TMTC1: variants seen among roughly 807,000 people sequenced by gnomAD.
TMTC1 encodes the protein transmembrane O-mannosyltransferase targeting cadherins 1.
TMTC1 carries 73 observed loss-of-function variants against 104.8 expected under a neutral mutation model. That is an observed-to-expected ratio of 0.70 (90% CI 0.58 to 0.85). The LOEUF (loss-of-function observed/expected upper bound fraction) is 0.85, where lower values mean the gene tolerates loss of function less well. Ranked by LOEUF, TMTC1 falls within the 40% of genes least tolerant of loss-of-function variation. The pLI, the probability that TMTC1 is intolerant of heterozygous loss-of-function variation, is 0.00. For missense variants in TMTC1, 1,035 were observed against 1,096.1 expected (o/e 0.94, Z 0.79); for synonymous variants, 434 against 428.7 (o/e 1.01, Z -0.15).
At chr12:29,600,010 T>A (rs10843448) in intron 7 of TMTC1, among the ~76,000 whole-genome samples, 51,298 of 95,962 alleles carry the variant, frequency 0.53, 11,560 homozygotes, top group South Asian at 0.64. Context: ...ATATATATAT[T>A]TTTTTTTTTT....
At chr12:29,767,636 G>T (rs10743673) in intron 2 of TMTC1, among the ~76,000 whole-genome samples, 59,746 of 151,652 alleles carry the variant, frequency 0.39, 12,252 homozygotes, top group Admixed American at 0.54. Context: ...GGAGGTGCAA[G>T]AAAACCAATT....
At chr12:29,589,178 T>C (rs1946217524) in intron 7 of TMTC1, among the ~76,000 whole-genome samples, 4 of 152,242 alleles carry the variant, frequency 2.6e-5, no homozygotes, top group Admixed American at 2.6e-4. Flanking sequence ...TGGCAACATG[T>C]GGATTCAGTC....
rs548584952 is a variant in TMTC1 at position 29,525,334 on chromosome 12, C to T, written c.1786-4614G>A. Among the ~76,000 whole-genome samples, 449 of 151,868 alleles carry T rather than the reference C, an allele frequency of 3.0e-3. 4 individuals are homozygous for T. Among genetic ancestry groups the T allele is most frequent in the African/African-American group, 0.01 (428 of 41,452 alleles). ...ATTAGCTGGGATTACAGGCACCCATCACCACACCCAGTGGCTAATTTTTGT... is the reference window on the plus strand; with the variant it reads ...ATTAGCTGGGATTACAGGCACCCATTACCACACCCAGTGGCTAATTTTTGT... On this transcript the variant is annotated intron_variant, in intron 11 of 17. Transcript: ENST00000539277.
intron 6 of TMTC1, among the ~76,000 whole-genome samples, chr12:29,627,537 C>T (rs1052520032): frequency 1.3e-5 from 2 of 152,134 alleles, no homozygotes; most frequent in African/African-American, 2.4e-5. Flanking sequence ...ACAGCCACTA[C>T]GGAAGTTTGT....
chr12:29,638,975 T>C (rs1016276148), intron 5 of TMTC1, among the ~76,000 whole-genome samples: 1 of 152,240 alleles, frequency 6.6e-6, no homozygotes, highest in Non-Finnish European at 1.5e-5. Flanking sequence ...TGGTAATTAC[T>C]GTCTTTAGCA....
At chr12:29,576,878 C>G (rs159687) in intron 8 of TMTC1, among the ~76,000 whole-genome samples, 88,292 of 151,970 alleles carry the variant, frequency 0.58, 26,874 homozygotes, top group Non-Finnish European at 0.67. Flanking sequence ...TGTGGATATG[C>G]ATATCAAAAC....
intron 10 of TMTC1, among the ~76,000 whole-genome samples, chr12:29,552,375 A>C (rs1945128610): frequency 6.6e-6 from 1 of 152,256 alleles, no homozygotes; most frequent in Non-Finnish European, 1.5e-5. Context: ...AATAATTTGA[A>C]TACATTAGGG....
intron 5 of TMTC1, among the ~76,000 whole-genome samples, chr12:29,750,737 G>A (rs1592009088): frequency 6.6e-6 from 1 of 152,302 alleles, no homozygotes; most frequent in Non-Finnish European, 1.5e-5. Context: ...GAGGTCATTA[G>A]GCTAAGGTGA....
At chr12:29,585,460 C>T (rs1565688926) in intron 7 of TMTC1, among the ~76,000 whole-genome samples, 1 of 152,134 alleles carries the variant, frequency 6.6e-6, no homozygotes, top group African/African-American at 2.4e-5. Context: ...ACCCATTTGT[C>T]AATTTTGGCT....
chr12:29,714,734 G>C (rs556066858), intron 5 of TMTC1, among the ~76,000 whole-genome samples: 3 of 152,248 alleles, frequency 2.0e-5, no homozygotes, highest in Non-Finnish European at 2.9e-5. Flanking sequence ...TCCCAACAAG[G>C]ATCAGAAGTC....
intron 17 of TMTC1, among the ~76,000 whole-genome samples, chr12:29,511,288 C>CCTCCTCCTCCTTGTATTAATATAT (rs1943828958): frequency 6.6e-6 from 1 of 150,420 alleles, no homozygotes; most frequent in African/African-American, 2.5e-5. Flanking sequence ...TATATCTCCT[C>CCTCCTCCTCCTTGTATTAATATAT]CTCCTCCTCC....
intron 6 of TMTC1, among the ~76,000 whole-genome samples, chr12:29,615,732 T>C (rs1181155363): frequency 6.6e-6 from 1 of 152,204 alleles, no homozygotes; most frequent in Non-Finnish European, 1.5e-5. Flanking sequence ...TTCAAGGTCT[T>C]AGGTTACTGT....
chr12:29,569,850 A>G (rs1945618336), intron 9 of TMTC1, among the ~76,000 whole-genome samples: 3 of 152,234 alleles, frequency 2.0e-5, no homozygotes, highest in Admixed American at 6.5e-5. Context: ...GTTTTTCCCC[A>G]TGTCTCAAGG....
chr12:29,557,669 C>T (rs915763223), intron 9 of TMTC1, among the ~76,000 whole-genome samples: 3 of 152,212 alleles, frequency 2.0e-5, no homozygotes, highest in Admixed American at 2.0e-4. Context: ...AGGCCGGTCT[C>T]GAACCCCTGA....
intron 5 of TMTC1, among the ~76,000 whole-genome samples, chr12:29,704,652 T>G (rs1941690951): frequency 6.6e-6 from 1 of 152,208 alleles, no homozygotes; most frequent in African/African-American, 2.4e-5. Context: ...AATTTAAGAC[T>G]TTATAACTCC....
intron 5 of TMTC1, among the ~76,000 whole-genome samples, chr12:29,643,432 TATATATATATATATCAC>T (rs1302638805): frequency 2.0e-5 from 2 of 101,140 alleles, no homozygotes; most frequent in Admixed American, 1.2e-4. Flanking sequence ...TAAACTGTGA[TATATATATATATATCAC>T]ATATATATGA....
At chr12:29,700,545 A>G (rs1941558817) in intron 5 of TMTC1, among the ~76,000 whole-genome samples, 1 of 151,966 alleles carries the variant, frequency 6.6e-6, no homozygotes, top group South Asian at 2.1e-4. Context: ...CTTGCCCCTC[A>G]CACCTCTAGT....
At chr12:29,719,445 T>C (rs1458209156) in intron 5 of TMTC1, among the ~76,000 whole-genome samples, 1 of 152,196 alleles carries the variant, frequency 6.6e-6, no homozygotes, top group Non-Finnish European at 1.5e-5. Context: ...TACGGTGGTA[T>C]GAATTCAAGG....
chr12:29,783,874 G>C lies in TMTC1; in HGVS notation c.-123C>G. 1.0e-6 allele frequency: 1 copy of C among 959,474 alleles called. No individual in the cohort carries two copies. 59.4% of individuals were successfully genotyped at this position (959,474 alleles called of 1,614,324 possible). A position where few individuals can be genotyped will look rare whatever the true frequency, so the allele number is the denominator to read the frequency against. ...GCTCGGGCATGGTGCTGCGGCAGCT[G>C]GACCCGCCGCGAGCTCCCCGCGCTC... On this transcript the variant is annotated 5_prime_UTR_variant, in exon 1 of 18. Coordinates refer to ENST00000539277, the MANE Select transcript of TMTC1 (RefSeq NM_001193451.2). The surrounding 1 kb of genome is among the most constrained non-coding windows in gnomAD (Gnocchi z 4.7).
Sources: allele counts gnomAD v4.1 joint callset (sites outside exome capture counted in the v4.1 genomes callset), GRCh38; gene constraint gnomAD v4.1.1; non-coding constraint Gnocchi (gnomAD v3.1); transcripts MANE v1.5; gene names NCBI Gene and HGNC (gene_info 2026-07-23, HGNC 2026-07-21).